The following RAI14 variants were observed in gnomAD, a reference collection of about 807,000 sequenced individuals.
The protein encoded by RAI14 is retinoic acid induced 14, also known as ankycorbin.
In RAI14, 45 loss-of-function variants were observed where a neutral mutation model predicts 115.4. The ratio of observed to expected loss-of-function variants is 0.39; its 90% CI spans 0.31 to 0.50. The LOEUF (loss-of-function observed/expected upper bound fraction) is 0.50, where lower values mean the gene tolerates loss of function less well. Among genes scored for constraint, RAI14 ranks in the 20% least tolerant of loss-of-function variants. The pLI, the probability that RAI14 is intolerant of heterozygous loss-of-function variation, is 0.85. For missense variants in RAI14, 939 were observed against 1,131.2 expected (o/e 0.83, Z 2.44); for synonymous variants, 371 against 415.4 (o/e 0.89, Z 1.30).
intron 16 of RAI14, 67 bp downstream of exon 16, chr5:34,826,546 C>A: frequency 6.4e-7 from 1 of 1,552,334 alleles, no homozygotes. Context: ...ACCATCTCAG[C>A]TGCTAGGGCA....
At chr5:34,739,464 T>C (rs1000074508) in intron 2 of RAI14, among the ~76,000 whole-genome samples, 1 of 152,188 alleles carries the variant, frequency 6.6e-6, no homozygotes, top group Non-Finnish European at 1.5e-5. Context: ...TTTGCTAGAA[T>C]AGACAGAAGG....
chr5:34,765,153 C>T (rs1212536667), intron 3 of RAI14, among the ~76,000 whole-genome samples: 1 of 152,152 alleles, frequency 6.6e-6, no homozygotes, highest in East Asian at 1.9e-4. Flanking sequence ...TCTTTTTCTT[C>T]CCAGTCTCAG....
In RAI14 at chr5:34,789,943, T is replaced by C. The variant is rs1334834926; in HGVS notation, c.168-5996T>C. 3.3e-5 allele frequency among the ~76,000 whole-genome samples: 5 copies of C among 152,248 alleles called. No homozygotes were observed. The East Asian group carries it at 7.7e-4, about 23-fold the overall frequency. On this transcript the variant is annotated intron_variant, in intron 3 of 17. Transcript: ENST00000265109. ...CTCCTTAATATCCTGCTTCTTGTTA[T>C]ACTTTACCATCTGACTAGATGTTTT...
intron 2 of RAI14, among the ~76,000 whole-genome samples, chr5:34,723,091 C>A (rs1380226334): frequency 1.8e-4 from 25 of 138,256 alleles, no homozygotes; most frequent in Non-Finnish European, 1.4e-4. Context: ...CAGAGTGAGA[C>A]CCTGTCTCAA....
intron 3 of RAI14, among the ~76,000 whole-genome samples, chr5:34,780,476 G>C (rs2150158390): frequency 6.6e-6 from 1 of 152,298 alleles, no homozygotes; most frequent in South Asian, 2.1e-4. Context: ...GTACTCATCT[G>C]ACAAAGGGCT....
intron 16 of RAI14, among the ~76,000 whole-genome samples, chr5:34,828,160 G>A (rs1321488087): frequency 3.3e-5 from 5 of 152,174 alleles, no homozygotes; most frequent in East Asian, 1.9e-4. Context: ...CTAACCAGTC[G>A]CAGTAGGGGT....
chr5:34,791,547 A>G lies in RAI14; in HGVS notation c.168-4392A>G, dbSNP rs573631534. On this transcript the variant is annotated intron_variant, in intron 3 of 17. Coordinates refer to ENST00000265109, the MANE Select transcript of RAI14 (RefSeq NM_015577.3). The surrounding 1 kb of genome is among the most constrained non-coding windows in gnomAD (Gnocchi z 5.4). ...GGCTCTTAGAAATATTTAATCAAGT[A>G]GTATCCACTAGAACTTAACATTTCA... Among the ~76,000 whole-genome samples, 3 of 152,348 alleles carry G rather than the reference A, an allele frequency of 2.0e-5. No individual in the cohort carries two copies. The East Asian group carries it at 5.8e-4, about 29-fold the overall frequency.
intron 11 of RAI14, among the ~76,000 whole-genome samples, chr5:34,814,163 A>G (rs1755912957): frequency 6.6e-6 from 1 of 152,204 alleles, no homozygotes; most frequent in Non-Finnish European, 1.5e-5. Context: ...ATAGAGGAGG[A>G]AGCTCAGTAA....
chr5:34,803,248 G>C (rs930918258), intron 4 of RAI14, among the ~76,000 whole-genome samples: 1 of 152,134 alleles, frequency 6.6e-6, no homozygotes, highest in African/African-American at 2.4e-5. Flanking sequence ...CTTCCCACTC[G>C]CAAGAATAAC....
intron 5 of RAI14, among the ~76,000 whole-genome samples, chr5:34,807,444 C>T (rs1333172243): frequency 6.6e-6 from 1 of 151,844 alleles, no homozygotes; most frequent in Non-Finnish European, 1.5e-5. Context: ...TGTGGGTAAT[C>T]CTTAAGAGAA....
At chr5:34,669,145 A>T (rs770756156) in intron 1 of RAI14, among the ~76,000 whole-genome samples, 2 of 152,118 alleles carry the variant, frequency 1.3e-5, no homozygotes, top group Non-Finnish European at 2.9e-5. Context: ...GTGAGCCACC[A>T]CACCCAGCCA....
At chr5:34,661,313 G>T (rs929896452) in intron 1 of RAI14, among the ~76,000 whole-genome samples, 2 of 152,126 alleles carry the variant, frequency 1.3e-5, no homozygotes, top group Admixed American at 6.5e-5. Context: ...ACTAGATTAT[G>T]AGCTCTACAA....
At chr5:34,698,939 A>G (rs148224978) in intron 2 of RAI14, among the ~76,000 whole-genome samples, 15 of 152,012 alleles carry the variant, frequency 9.9e-5, no homozygotes, top group Non-Finnish European at 2.9e-5. Flanking sequence ...GCAGGGAGGG[A>G]GCCTAGATTC....
At position 34,830,689 on chromosome 5, in the gene RAI14, G is replaced by A; in HGVS notation, c.2867G>A (p.Gly956Asp). 1 of 1,614,102 alleles carries A rather than the reference G, an allele frequency of 6.2e-7. No homozygotes were observed. The highest frequency in any genetic ancestry group is 8.5e-7 in the Non-Finnish European group (1 of 1,179,998). Residue 956 changes from glycine to aspartate, a missense_variant and splice_region_variant, in exon 18 of 18, where the codon GGC becomes GAC. By Grantham distance (94) the Gly-to-Asp change is moderately conservative. Coordinates refer to ENST00000265109, the MANE Select transcript of RAI14 (RefSeq NM_015577.3). ...GTATCTTGTGTTTGAATATCCTAGGGCCAGATGGATGAAGATGTCCAGAAA... is the reference window on the plus strand; with the variant it reads ...GTATCTTGTGTTTGAATATCCTAGGACCAGATGGATGAAGATGTCCAGAAA... ...YRMHLLYAVQGQMDEDVQKVL... is the reference protein window; with the variant it reads ...YRMHLLYAVQDQMDEDVQKVL...
chr5:34,755,946 T>C (rs1373486504), intron 2 of RAI14, among the ~76,000 whole-genome samples: 2 of 152,220 alleles, frequency 1.3e-5, no homozygotes, highest in African/African-American at 4.8e-5. Context: ...TCTGGAGTTC[T>C]GGACTTCAAG....
intron 2 of RAI14, among the ~76,000 whole-genome samples, chr5:34,703,892 A>T (rs1479688326): frequency 6.6e-6 from 1 of 152,168 alleles, no homozygotes; most frequent in African/African-American, 2.4e-5. Context: ...CTTTAATGTG[A>T]TGGTTCTTTT....
At chr5:34,771,898 T>G (rs1351413679) in intron 3 of RAI14, among the ~76,000 whole-genome samples, 1 of 151,748 alleles carries the variant, frequency 6.6e-6, no homozygotes, top group Non-Finnish European at 1.5e-5. Flanking sequence ...GGTGTCACTG[T>G]TTTTTGTTTT....
At chr5:34,754,979 C>A (rs536027651) in intron 2 of RAI14, among the ~76,000 whole-genome samples, 2 of 152,256 alleles carry the variant, frequency 1.3e-5, no homozygotes, top group East Asian at 3.9e-4. Context: ...TCCTTTTGAT[C>A]TTCCCAGTCC....
intron 2 of RAI14, among the ~76,000 whole-genome samples, chr5:34,757,057 G>A (rs1164450275): frequency 6.6e-6 from 1 of 152,186 alleles, no homozygotes; most frequent in Non-Finnish European, 1.5e-5. Context: ...ACCTTGAGCT[G>A]CTGGTTTGGT....
Sources: gnomAD v4.1 joint callset for allele counts (sites outside exome capture counted in the v4.1 genomes callset) on GRCh38, gnomAD v4.1.1 for gene constraint, Gnocchi (gnomAD v3.1) non-coding constraint, MANE v1.5 for transcripts, NCBI Gene and HGNC (gene_info 2026-07-23, HGNC 2026-07-21) for gene names.